GPRIN3: variants seen among roughly 807,000 people sequenced by gnomAD.
GPRIN3 encodes the protein GPRIN family member 3, also known as G protein-regulated inducer of neurite outgrowth 3.
In GPRIN3, 12 loss-of-function variants were observed where a neutral mutation model predicts 13.7. The observed-to-expected ratio is 0.87, with a 90% CI of 0.56 to 1.42. GPRIN3 has a LOEUF of 1.42. Ranked by LOEUF, GPRIN3 falls within the 40% of genes most tolerant of loss-of-function variation. GPRIN3 has a pLI of 0.00. For synonymous variants in GPRIN3, 377 were observed against 372.7 expected, an observed-to-expected ratio of 1.01 and a Z score of -0.13; for missense variants, 1,009 against 958.7, an observed-to-expected ratio of 1.05 and a Z score of -0.69.
rs181074985 is a variant in GPRIN3 at position 89,283,899 on chromosome 4, G to T, written c.-124+23716C>A. On this transcript the variant is annotated intron_variant, in intron 1 of 1. Coordinates refer to ENST00000609438, the MANE Select transcript of GPRIN3 (RefSeq NM_198281.3). ...CTAAAGGGTGTGACAAAGTAAAACT[G>T]CGGGGGGCTTTGTAAGTGAAACTGT... 7.3e-3 allele frequency among the ~76,000 whole-genome samples: 1,107 copies of T among 152,288 alleles called. 6 individuals carry two copies. The highest frequency in any genetic ancestry group is 0.012 in the Non-Finnish European group (804 of 68,022).
intron 1 of GPRIN3, among the ~76,000 whole-genome samples, chr4:89,271,542 T>C (rs928325097): frequency 6.6e-6 from 1 of 151,948 alleles, no homozygotes; most frequent in Non-Finnish European, 1.5e-5. Context: ...AAATGCTATG[T>C]AAAGAGTTGT....
At chr4:89,263,391 C>T (rs951181006) in intron 1 of GPRIN3, among the ~76,000 whole-genome samples, 5 of 152,168 alleles carry the variant, frequency 3.3e-5, no homozygotes, top group African/African-American at 9.7e-5. Context: ...CTCCATCCAG[C>T]CTGTGCACTG....
rs937700825 is a variant in GPRIN3, at chr4:89,242,310, T to A, written c.*5470A>T. 8 of 152,186 alleles carry A rather than the reference T, an allele frequency of 5.3e-5. No individual in the cohort carries two copies. Among genetic ancestry groups the A allele is most frequent in the Non-Finnish European group, 1.0e-4 (7 of 68,002 alleles). 9.4% of individuals were successfully genotyped at this position (152,186 alleles called of 1,614,324 possible). The stretch of plus-strand genomic sequence containing the variant: ...GATCTCATGTTTTAGTGATTTTACA[T>A]CCGGGAGCCCATTTTTTCACAGCTA... On this transcript the variant is annotated 3_prime_UTR_variant, in exon 2 of 2. Coordinates refer to ENST00000609438, the MANE Select transcript of GPRIN3 (RefSeq NM_198281.3).
At chr4:89,261,703 C>T (rs1044066473) in intron 1 of GPRIN3, among the ~76,000 whole-genome samples, 1 of 152,046 alleles carries the variant, frequency 6.6e-6, no homozygotes, top group Non-Finnish European at 1.5e-5. Flanking sequence ...CATGAAATAA[C>T]AACAGATTAG....
chr4:89,304,721 A>G (rs1388435721), intron 1 of GPRIN3, among the ~76,000 whole-genome samples: 1 of 152,186 alleles, frequency 6.6e-6, no homozygotes, highest in Non-Finnish European at 1.5e-5. Flanking sequence ...TTTTGGAGTC[A>G]TCTAGGACAA....
intron 1 of GPRIN3, among the ~76,000 whole-genome samples, chr4:89,268,765 C>T (rs1723849489): frequency 6.6e-6 from 1 of 152,116 alleles, no homozygotes; most frequent in Non-Finnish European, 1.5e-5. Flanking sequence ...CTTTCCAACC[C>T]CATGATCAGT....
rs376038916 is a variant in GPRIN3 at position 89,247,784 on chromosome 4, T to C, written c.2327A>G (p.Asp776Gly). 2.0e-5 allele frequency: 32 copies of C among 1,606,502 alleles called. No homozygotes were observed. The highest frequency in any genetic ancestry group is 2.6e-5 in the Non-Finnish European group (30 of 1,175,148). Residue 776 changes from aspartate (D) to glycine (G), a missense_variant, in exon 2 of 2, where the codon GAT (aspartate) becomes GGT (glycine). By Grantham distance (94) the Asp-to-Gly change is moderately conservative (BLOSUM62 -1). Coordinates refer to ENST00000609438, the MANE Select transcript of GPRIN3 (RefSeq NM_198281.3). ...CVRPAPSSVL[D>G] is the part of the protein sequence containing the mutation. ...AACTCCCATAAATACTCCCTTTCAATCTAACACAGAAGACGGGGCAGGACG... is the reference window on the plus strand; with the variant it reads ...AACTCCCATAAATACTCCCTTTCAACCTAACACAGAAGACGGGGCAGGACG...
intron 1 of GPRIN3, among the ~76,000 whole-genome samples, chr4:89,258,512 C>T (rs1389987440): frequency 2.0e-5 from 3 of 151,998 alleles, no homozygotes; most frequent in Non-Finnish European, 4.4e-5. Context: ...CTGTGCCTGG[C>T]CAAACCTGAG....
At chr4:89,292,488 A>G (rs1171418772) in intron 1 of GPRIN3, among the ~76,000 whole-genome samples, 1 of 152,208 alleles carries the variant, frequency 6.6e-6, no homozygotes, top group African/African-American at 2.4e-5. Flanking sequence ...TGTGTTTTTT[A>G]GGTCAGAGAG....
Position 89,273,399 on chromosome 4 carries a change from C to T in GPRIN3, c.-123-23166G>A, listed in dbSNP as rs148975722. The stretch of plus-strand genomic sequence containing the variant: ...TAAACTAATGTTAAAAAACATGCCT[C>T]GGTCGGGCGCAGTGGCTCAGATCTG... On this transcript the variant is annotated intron_variant, in intron 1 of 1. Coordinates refer to ENST00000609438, the MANE Select transcript of GPRIN3 (RefSeq NM_198281.3). 5.3e-5 allele frequency among the ~76,000 whole-genome samples: 8 copies of T among 152,266 alleles called. No homozygotes were observed. In the East Asian group the frequency reaches 9.7e-4, roughly 18 times the overall value.
At chr4:89,276,161 A>G (rs924159077) in intron 1 of GPRIN3, among the ~76,000 whole-genome samples, 4 of 152,238 alleles carry the variant, frequency 2.6e-5, no homozygotes, top group African/African-American at 7.2e-5. Flanking sequence ...TGAATTTTGA[A>G]TAGACCAACC....
At chr4:89,274,179 A>C (rs1265298221) in intron 1 of GPRIN3, among the ~76,000 whole-genome samples, 1 of 152,226 alleles carries the variant, frequency 6.6e-6, no homozygotes, top group African/African-American at 2.4e-5. Flanking sequence ...CAACACGCCA[A>C]ATAAATGATT....
chr4:89,270,595 A>ATG (rs1723920673), intron 1 of GPRIN3, among the ~76,000 whole-genome samples: 4 of 128,814 alleles, frequency 3.1e-5, no homozygotes, highest in African/African-American at 1.3e-4. Context: ...ATATATATAT[A>ATG]TATATAAAAT....
intron 1 of GPRIN3, among the ~76,000 whole-genome samples, chr4:89,302,106 C>A (rs749786620): frequency 6.6e-6 from 1 of 152,206 alleles, no homozygotes; most frequent in Non-Finnish European, 1.5e-5. Flanking sequence ...TTCTGCTACG[C>A]TAGACCCTTG....
intron 1 of GPRIN3, among the ~76,000 whole-genome samples, chr4:89,253,095 C>A (rs62304746): frequency 0.044 from 6,634 of 151,062 alleles, 172 homozygotes; most frequent in Middle Eastern, 0.082. Flanking sequence ...GCACTGTTTT[C>A]GCACCATTGT....
chr4:89,244,651 C>A lies in GPRIN3; in HGVS notation c.*3129G>T, dbSNP rs1723038340. ...CAAGATAAACATATGACAGCTGAAG[C>A]TGTCACATTTTTCTCATGGTCATAA... On this transcript the variant is annotated 3_prime_UTR_variant, in exon 2 of 2. Transcript: ENST00000609438. 1 of 152,092 alleles carries A rather than the reference C, an allele frequency of 6.6e-6. No individual in the cohort carries two copies. Among genetic ancestry groups the A allele is most frequent in the South Asian group, 2.1e-4 (1 of 4,826 alleles). 9.4% of individuals were successfully genotyped at this position (152,092 alleles called of 1,614,324 possible). A position where few individuals can be genotyped will look rare whatever the true frequency, so the allele number is the denominator to read the frequency against.
chr4:89,293,428 G>A (rs1724643351), intron 1 of GPRIN3, among the ~76,000 whole-genome samples: 1 of 152,190 alleles, frequency 6.6e-6, no homozygotes, highest in African/African-American at 2.4e-5. Context: ...GGTCAGTGTA[G>A]TCAACAAGTG....
intron 1 of GPRIN3, among the ~76,000 whole-genome samples, chr4:89,281,950 C>T (rs1724262809): frequency 2.0e-5 from 3 of 149,592 alleles, no homozygotes; most frequent in Admixed American, 2.0e-4. Flanking sequence ...TAATGCATTG[C>T]TATGCAGTCA....
intron 1 of GPRIN3, among the ~76,000 whole-genome samples, chr4:89,286,312 A>G (rs566207289): frequency 2.0e-5 from 3 of 152,148 alleles, no homozygotes; most frequent in African/African-American, 7.2e-5. Flanking sequence ...TACAGATGGT[A>G]TCAGGTGGAT....
Sources: allele counts gnomAD v4.1 joint callset (sites outside exome capture counted in the v4.1 genomes callset), GRCh38; gene constraint gnomAD v4.1.1; transcripts MANE v1.5; gene names NCBI Gene and HGNC (gene_info 2026-07-23, HGNC 2026-07-21).